The following IQCB1 variants were observed in gnomAD, a reference collection of about 807,000 sequenced individuals.
IQCB1 encodes the protein IQ calmodulin-binding motif-containing protein 1.
Under a neutral mutation model 84.4 loss-of-function variants are expected in IQCB1, and 56 were observed. The observed-to-expected ratio is 0.66, with a 90% CI of 0.54 to 0.83. IQCB1 has a LOEUF of 0.83. Ranked by LOEUF, IQCB1 falls within the 40% of genes least tolerant of loss-of-function variation. The pLI is 0.00. For synonymous variants in IQCB1, 210 were observed against 234.8 expected (o/e 0.89, Z 0.96); for missense variants, 629 against 682.1 (o/e 0.92, Z 0.87).
intron 13 of IQCB1, among the ~76,000 whole-genome samples, chr3:121,773,481 G>A (rs1948095312): frequency 6.6e-6 from 1 of 152,124 alleles, no homozygotes; most frequent in South Asian, 2.1e-4. Flanking sequence ...ATCATCCAAA[G>A]GACCATGTTC....
chr3:121,771,326 T>G (rs1327390352), intron 14 of IQCB1, among the ~76,000 whole-genome samples: 1 of 151,898 alleles, frequency 6.6e-6, no homozygotes, highest in African/African-American at 2.4e-5. Context: ...GATGGCTTAT[T>G]TATTTATATT....
chr3:121,790,254 A>G (rs1339380306), intron 10 of IQCB1, 39 bp from the exon 11 acceptor site: 1 of 1,593,414 alleles, frequency 6.3e-7, no homozygotes, highest in East Asian at 2.2e-5. Flanking sequence ...ATTTTCATAA[A>G]TCATATGAAA....
At chr3:121,801,207 G>T (rs1949393278) in intron 7 of IQCB1, among the ~76,000 whole-genome samples, 1 of 151,898 alleles carries the variant, frequency 6.6e-6, no homozygotes, top group African/African-American at 2.4e-5. Context: ...TCTCTACCAT[G>T]TATAAGCTGA....
rs2108507338 is a variant in IQCB1 at position 121,772,640 on chromosome 3, A to G, written c.1484T>C (p.Met495Thr). 2 of 1,614,198 alleles carry G rather than the reference A, an allele frequency of 1.2e-6. No homozygotes were observed. The highest frequency in any genetic ancestry group is 1.7e-6 in the Non-Finnish European group (2 of 1,180,032). Residue 495 changes from methionine to threonine, a missense_variant, in exon 14 of 15, where the codon ATG becomes ACG. Met to Thr is a moderately conservative substitution (Grantham distance 81). Coordinates refer to ENST00000310864, the MANE Select transcript of IQCB1 (RefSeq NM_001023570.4). ...GGCTCGCTCTTCTAGGGCCCTGCCC[A>G]TAAAGTAGTGTTGCAGTCGTTCTTG... ...QAQERLQHYF[M>T]GRALEERAQQ...
intron 5 of IQCB1, among the ~76,000 whole-genome samples, chr3:121,818,232 TTC>T (rs1950145007): frequency 6.6e-6 from 1 of 152,230 alleles, no homozygotes; most frequent in African/African-American, 2.4e-5. Context: ...GACTTATCAC[TTC>T]TTATAAATTC....
chr3:121,795,558 A>T lies in IQCB1; in HGVS notation c.885T>A (p.His295Gln). 6.3e-7 allele frequency: 1 copy of T among 1,587,676 alleles called. No individual in the cohort carries two copies. The highest frequency in any genetic ancestry group is 1.1e-5 in the South Asian group (1 of 90,534). The change falls in exon 10 of 15, where the codon CAT becomes CAA. Residue 295 changes from histidine to glutamine, a missense_variant. Physicochemically the swap from His to Gln is conservative, Grantham distance 24. Coordinates refer to ENST00000310864, the MANE Select transcript of IQCB1 (RefSeq NM_001023570.4). ...AGGCTTGAATCAAGCATGCTGCTTG[A>T]TGTAGTTTCTGAAATGCCGAAAATA... ...VYQEVEEQKL[H>Q]QAACLIQAYW...
chr3:121,807,912 A>G (rs751044474), intron 6 of IQCB1, among the ~76,000 whole-genome samples: 15 of 151,956 alleles, frequency 9.9e-5, no homozygotes, highest in Admixed American at 2.0e-4. Context: ...ATTTCCTTTT[A>G]TTGATTTGTA....
At chr3:121,806,464 C>T (rs1949603093) in intron 7 of IQCB1, among the ~76,000 whole-genome samples, 1 of 152,134 alleles carries the variant, frequency 6.6e-6, no homozygotes, top group Non-Finnish European at 1.5e-5. Context: ...TTGCTAGTCA[C>T]CTCCCTATAT....
chr3:121,817,666 C>CA (rs202172455), intron 5 of IQCB1, among the ~76,000 whole-genome samples: 2,309 of 152,114 alleles, frequency 0.015, 63 homozygotes, highest in African/African-American at 0.052. Flanking sequence ...TTTATATACT[C>CA]AAAGCACCAT....
intron 10 of IQCB1, among the ~76,000 whole-genome samples, chr3:121,794,772 G>T (rs7623662): frequency 0.64 from 97,820 of 151,938 alleles, 31,950 homozygotes; most frequent in African/African-American, 0.71. Flanking sequence ...GTTATTAAAA[G>T]AATAGTTTCA....
At chr3:121,795,599 T>G in intron 9 of IQCB1, 33 bp from the exon 10 acceptor site, 32 of 1,203,192 alleles carry the variant, frequency 2.7e-5, no homozygotes, top group Non-Finnish European at 3.7e-5. Flanking sequence ...GAGATATCTC[T>G]AGGAAGGTCT....
chr3:121,791,121 GAAGA>G (rs1023520183), intron 10 of IQCB1, among the ~76,000 whole-genome samples: 4 of 152,124 alleles, frequency 2.6e-5, no homozygotes, highest in African/African-American at 7.2e-5. Context: ...ACGAGGATAA[GAAGA>G]AAGGCAGAAT....
At chr3:121,832,618 C>T (rs1016253361) in intron 2 of IQCB1, among the ~76,000 whole-genome samples, 1 of 152,182 alleles carries the variant, frequency 6.6e-6, no homozygotes, top group Non-Finnish European at 1.5e-5. Context: ...TGAGCCACAG[C>T]GCCCAGCCAT....
rs1260199780 is a variant in IQCB1 at position 121,772,547 on chromosome 3, G to C, written c.1567+10C>G. The C allele has an allele frequency of 6.2e-6, 10 of 1,613,824 alleles. No individual in the cohort carries two copies. The highest frequency in any genetic ancestry group is 1.3e-5 in the African/African-American group (1 of 74,922). ...TCCTTTTAGAGAACGAAAGTAAAATGAGCACATACTCATTAGCTGTTCAAC... is the reference window on the plus strand; with the variant it reads ...TCCTTTTAGAGAACGAAAGTAAAATCAGCACATACTCATTAGCTGTTCAAC... On this transcript the variant is annotated intron_variant, in intron 14 of 14. Coordinates refer to ENST00000310864, the MANE Select transcript of IQCB1 (RefSeq NM_001023570.4).
intron 7 of IQCB1, among the ~76,000 whole-genome samples, chr3:121,802,208 A>G (rs1049380728): frequency 1.3e-5 from 2 of 151,936 alleles, no homozygotes; most frequent in African/African-American, 4.8e-5. Flanking sequence ...TAAGATTATT[A>G]TTTCTTCCTG....
Position 121,781,892 on chromosome 3 carries a change from G to T in IQCB1, c.1279-18C>A, listed in dbSNP as rs1229077140. On this transcript the variant is annotated intron_variant, in intron 12 of 14. Transcript: ENST00000310864. ...TTAAGCGCCTGGAAGAAAAAAAATT[G>T]AAGGTTTGTGATTTTTCTCCCCTAA... 1 of 1,610,950 alleles carries T rather than the reference G, an allele frequency of 6.2e-7. No homozygotes were observed. Among genetic ancestry groups the T allele is most frequent in the African/African-American group, 1.3e-5 (1 of 74,966 alleles).
intron 13 of IQCB1, among the ~76,000 whole-genome samples, chr3:121,779,059 T>C (rs1948367586): frequency 6.6e-6 from 1 of 152,046 alleles, no homozygotes; most frequent in Non-Finnish European, 1.5e-5. Flanking sequence ...CCCTAGAACT[T>C]AAAGTATAAT....
rs762365184 is a variant in IQCB1, at chr3:121,770,391, C to T, written c.1751G>A (p.Ser584Asn). 31 of 1,614,030 alleles carry T rather than the reference C, an allele frequency of 1.9e-5. No homozygotes were observed. The highest frequency in any genetic ancestry group is 2.3e-5 in the Non-Finnish European group (27 of 1,179,998). Reference protein sequence around the residue: ...DEIDVPKDELSIELENLFIGG... With the variant: ...DEIDVPKDELNIELENLFIGG... Reference sequence around the variant, plus strand: ...AATGAATAAATTTTCTAATTCTATACTAAGCTCATCCTTTGGAACATCAAT... The same window carrying T: ...AATGAATAAATTTTCTAATTCTATATTAAGCTCATCCTTTGGAACATCAAT... The change falls in exon 15 of 15, where the codon AGT (serine) becomes AAT (asparagine). Residue 584 changes from serine (S) to asparagine (N), a missense_variant. Coordinates refer to ENST00000310864, the MANE Select transcript of IQCB1 (RefSeq NM_001023570.4).
intron 13 of IQCB1, among the ~76,000 whole-genome samples, chr3:121,776,317 A>G (rs59228534): frequency 0.1 from 15,679 of 152,256 alleles, 857 homozygotes; most frequent in South Asian, 0.15. Context: ...ATGAGCATTC[A>G]TGTACAAGTG....
Sources: gnomAD v4.1 joint callset for allele counts (sites outside exome capture counted in the v4.1 genomes callset) on GRCh38, gnomAD v4.1.1 for gene constraint, MANE v1.5 for transcripts, NCBI Gene and HGNC (gene_info 2026-07-23, HGNC 2026-07-21) for gene names.